The following TBC1D4 variants were observed in gnomAD, a reference collection of about 807,000 sequenced individuals.
TBC1D4 encodes the protein TBC1 domain family member 4, also known as TBC (Tre-2, BUB2, CDC16) domain-containing protein.
A neutral mutation model predicts 142.5 loss-of-function variants in TBC1D4; 121 were observed. The ratio of observed to expected loss-of-function variants is 0.85; its 90% CI spans 0.73 to 0.99. The LOEUF (loss-of-function observed/expected upper bound fraction) is 0.99. TBC1D4 is among the 50% of genes least tolerant of loss of function. The pLI is 0.00. For missense variants in TBC1D4, 1,475 were observed against 1,606.6 expected (o/e 0.92, Z 1.40); for synonymous variants, 630 against 628.2 (o/e 1.00, Z -0.04).
In TBC1D4 at chr13:75,302,297, T is replaced by A; in HGVS notation, c.2857A>T (p.Lys953Ter). The change falls in exon 16 of 21, where the codon AAG becomes TAG. Residue 953 changes from lysine to a stop codon, truncating the protein, a stop_gained. Transcript: ENST00000377636. LOFTEE classifies it high-confidence loss of function. ...NKQQPPDISY[K>*]ELLKQLTAQQ... ...GCAGTGAGCTGCTTCAAAAGTTCCT[T>A]ATAGGATATGTCAGGAGGCTGTTGT... 1 of 1,614,208 alleles carries A rather than the reference T, an allele frequency of 6.2e-7. No homozygotes were observed. Among genetic ancestry groups the A allele is most frequent in the Non-Finnish European group, 8.5e-7 (1 of 1,180,034 alleles).
rs1402574446 is a variant in TBC1D4 at position 75,456,068 on chromosome 13, C to T, written c.498+25202G>A. On this transcript the variant is annotated intron_variant, in intron 1 of 20. Transcript: ENST00000377636. ...CTGGCCTCACACTCTTGAGCTCAAA[C>T]CATCCTCCTACCTCAGCCCAGTAGC... Among the ~76,000 whole-genome samples, 6 of 151,960 alleles carry T rather than the reference C, an allele frequency of 3.9e-5. No homozygotes were observed. The East Asian group carries it at 1.2e-3, about 29-fold the overall frequency.
At chr13:75,303,150 T>C (rs894524936) in intron 15 of TBC1D4, among the ~76,000 whole-genome samples, 5 of 152,032 alleles carry the variant, frequency 3.3e-5, no homozygotes, top group African/African-American at 1.2e-4. Flanking sequence ...AAACCCTGCC[T>C]CTACTAAAAA....
In TBC1D4 at chr13:75,362,257, C is replaced by T. The variant is rs1363355752; in HGVS notation, c.849G>A (p.Gly283=). ...AGCTGGTCAGGGCAGGCTGGCTGGC[C>T]CCGGCAGGTAAGCCAAGGTGGGTGT... ...GTDTHLGLPA[G]ASQPALTSSR... is the part of the protein sequence containing the mutation. Residue 283 remains glycine (G), a synonymous_variant, in exon 2 of 21, where the codon GGG becomes GGA. Transcript: ENST00000377636. The surrounding 1 kb of genome is among the most constrained non-coding windows in gnomAD (Gnocchi z 4.2). 2 of 1,613,746 alleles carry T rather than the reference C, an allele frequency of 1.2e-6. No homozygotes were observed. Among genetic ancestry groups the T allele is most frequent in the Non-Finnish European group, 1.7e-6 (2 of 1,179,978 alleles).
chr13:75,299,985 G>A lies in TBC1D4; in HGVS notation c.2912-411C>T, dbSNP rs1417066132. On this transcript the variant is annotated intron_variant, in intron 16 of 20. Coordinates refer to ENST00000377636, the MANE Select transcript of TBC1D4 (RefSeq NM_014832.5). ...ACCTTCTAAATGAAACCAGAAGTCT[G>A]TAAGACATATTATATTATTTAAAAG... 2.0e-5 allele frequency among the ~76,000 whole-genome samples: 3 copies of A among 152,056 alleles called. No homozygotes were observed. The East Asian group carries it at 5.8e-4, about 29-fold the overall frequency.
chr13:75,364,452 A>C (rs1882781018), intron 1 of TBC1D4, among the ~76,000 whole-genome samples: 1 of 152,274 alleles, frequency 6.6e-6, no homozygotes, highest in Non-Finnish European at 1.5e-5. Context: ...TTCCTATGAA[A>C]GGATAAAATC....
Position 75,312,883 on chromosome 13 carries a change from T to C in TBC1D4, c.2238A>G (p.Arg746=), listed in dbSNP as rs769930572. 10 of 1,614,058 alleles carry C rather than the reference T, an allele frequency of 6.2e-6. No homozygotes were observed. The South Asian group carries it at 9.9e-5, about 16-fold the overall frequency. Residue 746 remains arginine, a synonymous_variant, in exon 13 of 21, where the codon AGA becomes AGG. Coordinates refer to ENST00000377636, the MANE Select transcript of TBC1D4 (RefSeq NM_014832.5). ...TASESSDGEG[R]KRTSSTCSNE... The stretch of plus-strand genomic sequence containing the variant: ...TGCTGCAGGTAGATGAGGTCCTTTT[T>C]CTCCCTTCTCCATCACTGTTGAAAG...
chr13:75,472,217 G>A (rs1888440024), intron 1 of TBC1D4, among the ~76,000 whole-genome samples: 1 of 151,714 alleles, frequency 6.6e-6, no homozygotes, highest in Non-Finnish European at 1.5e-5. Context: ...GAGGTCAAGA[G>A]AGAACAGCCT....
chr13:75,300,108 C>A (rs924330390), intron 16 of TBC1D4, among the ~76,000 whole-genome samples: 3 of 152,146 alleles, frequency 2.0e-5, no homozygotes, highest in African/African-American at 7.2e-5. Context: ...GACTGTCATT[C>A]AGAAGAAAAC....
chr13:75,303,086 G>C (rs1168285080), intron 15 of TBC1D4, among the ~76,000 whole-genome samples: 1 of 152,206 alleles, frequency 6.6e-6, no homozygotes, highest in Non-Finnish European at 1.5e-5. Flanking sequence ...GGGAGGCCAA[G>C]GTGGGTGGGT....
chr13:75,481,953 G>A lies in TBC1D4; in HGVS notation c.-186C>T. ...CCCATGCAGCACTTCCACGGGCGCG[G>A]CTCGGAGGCTCCGGCGGCGGGCACC... On this transcript the variant is annotated 5_prime_UTR_variant, in exon 1 of 21. Coordinates refer to ENST00000377636, the MANE Select transcript of TBC1D4 (RefSeq NM_014832.5). The A allele has an allele frequency of 1.2e-6, 1 of 854,498 alleles. No homozygotes were observed. The highest frequency in any genetic ancestry group is 1.6e-6 in the Non-Finnish European group (1 of 639,868). 52.9% of individuals were successfully genotyped at this position (854,498 alleles called of 1,614,324 possible). A position where few individuals can be genotyped will look rare whatever the true frequency, so the allele number is the denominator to read the frequency against.
intron 8 of TBC1D4, among the ~76,000 whole-genome samples, chr13:75,335,586 C>G (rs973164230): frequency 6.6e-6 from 1 of 152,084 alleles, no homozygotes; most frequent in African/African-American, 2.4e-5. Flanking sequence ...TGGGAGGTGA[C>G]CGGATCACAG....
At chr13:75,476,594 A>G (rs887239275) in intron 1 of TBC1D4, among the ~76,000 whole-genome samples, 2 of 152,220 alleles carry the variant, frequency 1.3e-5, no homozygotes, top group Non-Finnish European at 2.9e-5. Flanking sequence ...CAGGGAAAGG[A>G]CAGGCAAATC....
intron 1 of TBC1D4, among the ~76,000 whole-genome samples, chr13:75,446,829 A>T (rs1444381222): frequency 6.6e-6 from 1 of 151,842 alleles, no homozygotes; most frequent in Non-Finnish European, 1.5e-5. Context: ...ATCTCAAATT[A>T]GTCCATATAA....
chr13:75,395,789 C>T (rs1416432926), intron 1 of TBC1D4, among the ~76,000 whole-genome samples: 1 of 152,122 alleles, frequency 6.6e-6, no homozygotes, highest in Non-Finnish European at 1.5e-5. Flanking sequence ...GAGATCGTAC[C>T]ACTGCACTCC....
chr13:75,463,039 C>T (rs372803442), intron 1 of TBC1D4, among the ~76,000 whole-genome samples: 15 of 152,062 alleles, frequency 9.9e-5, no homozygotes, highest in African/African-American at 3.1e-4. Flanking sequence ...ACTATTGATA[C>T]GTAAAGTGAT....
chr13:75,401,587 C>G (rs1885097764), intron 1 of TBC1D4, among the ~76,000 whole-genome samples: 1 of 152,132 alleles, frequency 6.6e-6, no homozygotes, highest in Admixed American at 6.5e-5. Flanking sequence ...AATACTCTGG[C>G]AATAAGAAAT....
intron 1 of TBC1D4, among the ~76,000 whole-genome samples, chr13:75,365,108 C>G (rs1271825966): frequency 6.6e-6 from 1 of 152,202 alleles, no homozygotes; most frequent in Non-Finnish European, 1.5e-5. Flanking sequence ...AAAAACTCAA[C>G]ACCTAAATGT....
intron 1 of TBC1D4, among the ~76,000 whole-genome samples, chr13:75,390,295 C>A (rs1449911078): frequency 1.3e-3 from 112 of 83,008 alleles, no homozygotes; most frequent in South Asian, 2.7e-3. Flanking sequence ...AAAAAAAAAA[C>A]AGGAGAAAGA....
chr13:75,325,560 C>T (rs773228429), intron 10 of TBC1D4, among the ~76,000 whole-genome samples: 2 of 152,058 alleles, frequency 1.3e-5, no homozygotes, highest in African/African-American at 4.8e-5. Context: ...CAAGTTTATC[C>T]TCTTTACTGT....
Sources: gnomAD v4.1 joint callset for allele counts (sites outside exome capture counted in the v4.1 genomes callset) on GRCh38, gnomAD v4.1.1 for gene constraint, Gnocchi (gnomAD v3.1) non-coding constraint, MANE v1.5 for transcripts, NCBI Gene and HGNC (gene_info 2026-07-23, HGNC 2026-07-21) for gene names.